HEY1: variants seen among roughly 807,000 people sequenced by gnomAD.
The protein encoded by HEY1 is hairy/enhancer-of-split related with YRPW motif protein 1.
Under a neutral mutation model 28.7 loss-of-function variants are expected in HEY1, and 9 were observed. That is an observed-to-expected ratio of 0.31 (90% CI 0.19 to 0.55). The LOEUF (loss-of-function observed/expected upper bound fraction) is 0.55, where lower values mean the gene tolerates loss of function less well. HEY1 is among the 20% of genes least tolerant of loss of function. The pLI is 0.93. For missense variants in HEY1, 385 were observed against 399.4 expected (o/e 0.96, Z 0.31); for synonymous variants, 213 against 175.6 (o/e 1.21, Z -1.68).
chr8:79,766,165 G>A, intron 4 of HEY1: 1 of 1,479,772 alleles, frequency 6.8e-7, no homozygotes, highest in Non-Finnish European at 9.0e-7. Context: ...TTGGACCTCA[G>A]TAAAGCATTT....
chr8:79,767,131 T>G lies in HEY1; in HGVS notation c.166-39A>C, dbSNP rs1307441504. ...GCAAAACAAAGGAAGGCATTACCAT[T>G]ACGACTGTAAATTTCAAAGACAAAA... On this transcript the variant is annotated intron_variant, in intron 2 of 4. Transcript: ENST00000354724. 2.5e-6 allele frequency: 4 copies of G among 1,589,386 alleles called. No individual in the cohort carries two copies. The South Asian group carries it at 4.5e-5, about 18-fold the overall frequency.
At position 79,765,780 on chromosome 8, in the gene HEY1, A is replaced by C; in HGVS notation, c.332-9T>G. 1.9e-6 allele frequency: 3 copies of C among 1,590,454 alleles called. No individual in the cohort carries two copies. On this transcript the variant is annotated splice_polypyrimidine_tract_variant and intron_variant, in intron 4 of 4. Transcript: ENST00000354724. ...GTGCGCGTCAAAGTAACCTAAGCAA[A>C]AGAACAAAAGAAAAATCTCAGGGCT...
Position 79,765,517 on chromosome 8 carries a change from G to A in HEY1, c.586C>T (p.Leu196=). Residue 196 remains leucine (L), a synonymous_variant, in exon 5 of 5, where the codon CTG becomes TTG. Coordinates refer to ENST00000354724, the MANE Select transcript of HEY1 (RefSeq NM_012258.4). ...HHPHIAHPLL[L]PQNGHGNAGT... is the part of the protein sequence containing the mutation. ...GCGTTCCCGTGGCCGTTCTGGGGCAGCAACAGCGGGTGCGCGATGTGCGGG... is the reference window on the plus strand; with the variant it reads ...GCGTTCCCGTGGCCGTTCTGGGGCAACAACAGCGGGTGCGCGATGTGCGGG... The A allele has an allele frequency of 6.2e-7, 1 of 1,613,774 alleles. No individual in the cohort carries two copies.
chr8:79,767,022 G>A lies in HEY1; in HGVS notation c.236C>T (p.Ala79Val). 2 of 1,613,842 alleles carry A rather than the reference G, an allele frequency of 1.2e-6. No individual in the cohort carries two copies. Among genetic ancestry groups the A allele is most frequent in the Non-Finnish European group, 1.7e-6 (2 of 1,179,818 alleles). Residue 79 changes from alanine to valine, a missense_variant, in exon 3 of 5, where the codon GCT becomes GTT. This residue lies in a region of HEY1 where 83 missense variants were observed against 122.7 expected (regional missense o/e 0.68). Coordinates refer to ENST00000354724, the MANE Select transcript of HEY1 (RefSeq NM_012258.4). Reference protein sequence around the residue: ...LSELRRLVPSAFEKQGSAKLE... With the variant: ...LSELRRLVPSVFEKQGSAKLE... ...TTGCTCCATTACCTGCTTCTCAAAA[G>A]CACTGGGTACCAGCCTTCTCAGCTC...
At position 79,766,302 on chromosome 8, in the gene HEY1, A is replaced by G. The variant is rs760253463; in HGVS notation, c.331+349T>C. The G allele has an allele frequency of 1.6e-4, 238 of 1,509,078 alleles. 1 individual carries two copies. Among genetic ancestry groups the G allele is most frequent in the South Asian group, 1.5e-3 (116 of 78,364 alleles). The allele number at this position is 1,509,078 out of a possible 1,614,324, so 93.5% of individuals were successfully genotyped here. A position where few individuals can be genotyped will look rare whatever the true frequency, so the allele number is the denominator to read the frequency against. On this transcript the variant is annotated intron_variant, in intron 4 of 4. Coordinates refer to ENST00000354724, the MANE Select transcript of HEY1 (RefSeq NM_012258.4). Reference sequence around the variant, plus strand: ...TTTTTTAAAATCCCGTATACCAAAAATAAGACCACATATTGTTTTTAAATG... The same window carrying G: ...TTTTTTAAAATCCCGTATACCAAAAGTAAGACCACATATTGTTTTTAAATG...
chr8:79,766,061 A>G, intron 4 of HEY1: 2 of 692,644 alleles, frequency 2.9e-6, no homozygotes, highest in South Asian at 4.0e-5. Context: ...TCCCTCAACA[A>G]CAACAAAAAA....
chr8:79,764,102 A>C lies in HEY1; in HGVS notation c.*1086T>G, dbSNP rs181029649. ...GGAGGTCGTTTAACTACACCTGCTA[A>C]AAGAATAAACCTGAAAAATGATATT... On this transcript the variant is annotated 3_prime_UTR_variant, in exon 5 of 5. Coordinates refer to ENST00000354724, the MANE Select transcript of HEY1 (RefSeq NM_012258.4). The C allele has an allele frequency of 5.2e-6, 1 of 192,294 alleles. No individual in the cohort carries two copies. The highest frequency in any genetic ancestry group is 8.3e-5 in the East Asian group (1 of 12,020). The allele number at this position is 192,294 out of a possible 1,614,324, so 11.9% of individuals were successfully genotyped here. A position where few individuals can be genotyped will look rare whatever the true frequency, so the allele number is the denominator to read the frequency against.
At position 79,765,008 on chromosome 8, in the gene HEY1, TG is replaced by T. The variant is rs1420596999; in HGVS notation, c.*179del. On this transcript the variant is annotated 3_prime_UTR_variant, in exon 5 of 5. Transcript: ENST00000354724. The stretch of plus-strand genomic sequence containing the variant: ...TAAAAACTGCTAATACATGACATGA[TG>T]AAAAAAACATTAAAAAAGATAAAAG... The T allele has an allele frequency of 9.6e-6, 5 of 522,676 alleles. No homozygotes were observed. Among genetic ancestry groups the T allele is most frequent in the East Asian group, 6.1e-5 (2 of 32,528 alleles). The allele number at this position is 522,676 out of a possible 1,614,324, so 32.4% of individuals were successfully genotyped here.
intron 3 of HEY1, 117 bp downstream of exon 3, chr8:79,766,892 C>A: frequency 8.3e-7 from 1 of 1,204,522 alleles, no homozygotes; most frequent in South Asian, 1.3e-5. Flanking sequence ...TATCTGTGTA[C>A]GAATTCATCT....
rs1807782410 is a variant in HEY1 at position 79,764,649 on chromosome 8, C to T, written c.*539G>A. 4.5e-6 allele frequency: 1 copy of T among 222,824 alleles called. No individual in the cohort carries two copies. Among genetic ancestry groups the T allele is most frequent in the South Asian group, 1.8e-4 (1 of 5,456 alleles). 13.8% of individuals were successfully genotyped at this position (222,824 alleles called of 1,614,324 possible). ...AAGCTGATCATCTGATTTGTCAACG[C>T]TTTGCTCAGAAATATAAAATTCAAT... On this transcript the variant is annotated 3_prime_UTR_variant, in exon 5 of 5. Coordinates refer to ENST00000354724, the MANE Select transcript of HEY1 (RefSeq NM_012258.4).
chr8:79,767,454 G>T, intron 1 of HEY1, 121 bp downstream of exon 1: 4 of 1,155,676 alleles, frequency 3.5e-6, no homozygotes. Context: ...CCGCCAGCCT[G>T]CGACGCGCGG....
At position 79,764,506 on chromosome 8, in the gene HEY1, A is replaced by T; in HGVS notation, c.*682T>A. The T allele has an allele frequency of 4.4e-6, 1 of 227,236 alleles. No homozygotes were observed. Among genetic ancestry groups the T allele is most frequent in the East Asian group, 6.3e-5 (1 of 15,852 alleles). The allele number at this position is 227,236 out of a possible 1,614,324, so 14.1% of individuals were successfully genotyped here. A position where few individuals can be genotyped will look rare whatever the true frequency, so the allele number is the denominator to read the frequency against. Reference sequence around the variant, plus strand: ...GCGGCTCTCTCCTAACTAAATCAGAACTGCCAGTCCTGGCAGATACCAGCA... The same window carrying T: ...GCGGCTCTCTCCTAACTAAATCAGATCTGCCAGTCCTGGCAGATACCAGCA... On this transcript the variant is annotated 3_prime_UTR_variant, in exon 5 of 5. Transcript: ENST00000354724.
chr8:79,765,651 CGA>C lies in HEY1; in HGVS notation c.450_451del (p.Arg151SerfsTer83), dbSNP rs751805376. The C allele has an allele frequency of 1.9e-6, 3 of 1,614,264 alleles. No homozygotes were observed. The highest frequency in any genetic ancestry group is 2.5e-6 in the Non-Finnish European group (3 of 1,180,048). On this transcript the variant is annotated frameshift_variant, in exon 5 of 5. Transcript: ENST00000354724. LOFTEE classifies it high-confidence loss of function. ...GTTGAGATGCGAAACCAGTCGAACTCGAAGCGGGTCAGAGGCATCTAGTCCTT... is the reference window on the plus strand; with the variant it reads ...GTTGAGATGCGAAACCAGTCGAACTCAGCGGGTCAGAGGCATCTAGTCCTT...
Position 79,764,986 on chromosome 8 carries a change from A to C in HEY1, c.*202T>G. The C allele has an allele frequency of 2.1e-6, 1 of 470,388 alleles. No homozygotes were observed. The highest frequency in any genetic ancestry group is 5.0e-5 in the South Asian group (1 of 20,174). 29.1% of individuals were successfully genotyped at this position (470,388 alleles called of 1,614,324 possible). On this transcript the variant is annotated 3_prime_UTR_variant, in exon 5 of 5. Transcript: ENST00000354724. ...ACAAAATTTAACAACTAGTTTTTAA[A>C]AACTGCTAATACATGACATGATGAA...
At position 79,765,435 on chromosome 8, in the gene HEY1, T is replaced by A. The variant is rs1807806754; in HGVS notation, c.668A>T (p.His223Leu). The A allele has an allele frequency of 1.2e-6, 2 of 1,612,492 alleles. No individual in the cohort carries two copies. Among genetic ancestry groups the A allele is most frequent in the Non-Finnish European group, 1.7e-6 (2 of 1,179,326 alleles). The change falls in exon 5 of 5, where the codon CAT (histidine) becomes CTT (leucine). Residue 223 changes from histidine (H) to leucine (L), a missense_variant. This residue lies in a region of HEY1 where 223 missense variants were observed against 215.9 expected (regional missense o/e 1.03). Coordinates refer to ENST00000354724, the MANE Select transcript of HEY1 (RefSeq NM_012258.4). Reference sequence around the variant, plus strand: ...CGCTCGCAAAGCAGGCGCCTCCGGATGTGCCGAGCCCAGCCTGCCCTGGTG... The same window carrying A: ...CGCTCGCAAAGCAGGCGCCTCCGGAAGTGCCGAGCCCAGCCTGCCCTGGTG... ...PHHQGRLGSA[H>L]PEAPALRAPP...
At chr8:79,766,970 G>A (rs1807858369) in intron 3 of HEY1, 39 bp downstream of exon 3, 7 of 1,527,532 alleles carry the variant, frequency 4.6e-6, no homozygotes, top group Non-Finnish European at 6.4e-6. Flanking sequence ...AGAAGGTGCA[G>A]ATAGCTATGC....
chr8:79,767,445 CG>C (rs1807874012), intron 1 of HEY1, 129 bp downstream of exon 1: 1 of 1,137,658 alleles, frequency 8.8e-7, no homozygotes, highest in Non-Finnish European at 1.2e-6. Flanking sequence ...CGCAGGCTGC[CG>C]CCAGCCTGCG....
At position 79,765,378 on chromosome 8, in the gene HEY1, G is replaced by A. The variant is rs1441975281; in HGVS notation, c.725C>T (p.Pro242Leu). 6.3e-7 allele frequency: 1 copy of A among 1,596,080 alleles called. No homozygotes were observed. The highest frequency in any genetic ancestry group is 1.8e-5 in the Admixed American group (1 of 56,486). ...PPSGSLGPVL[P>L]VVTSASKLSP... Reference sequence around the variant, plus strand: ...CAGTTTGGAGGCGGAGGTGACCACAGGGAGCACCGGTCCGAGGCTGCCGCT... The same window carrying A: ...CAGTTTGGAGGCGGAGGTGACCACAAGGAGCACCGGTCCGAGGCTGCCGCT... The change falls in exon 5 of 5, where the codon CCT becomes CTT. Residue 242 changes from proline (P) to leucine (L), a missense_variant. Physicochemically the swap from Pro to Leu is moderately conservative, Grantham distance 98. Coordinates refer to ENST00000354724, the MANE Select transcript of HEY1 (RefSeq NM_012258.4).
intron 1 of HEY1, 136 bp from the exon 2 acceptor site, chr8:79,767,430 C>T (rs1807873555): frequency 8.8e-7 from 1 of 1,137,794 alleles, no homozygotes; most frequent in Non-Finnish European, 1.3e-6. Flanking sequence ...TAGGGGTTCC[C>T]TGGCCGCAGG....
Sources: gnomAD v4.1 joint callset for allele counts on GRCh38, gnomAD v4.1.1 for gene constraint, gnomAD v4.1.1 regional missense constraint, MANE v1.5 for transcripts, NCBI Gene and HGNC (gene_info 2026-07-23, HGNC 2026-07-21) for gene names.